The following ANO10 variants were observed in gnomAD, a reference collection of about 807,000 sequenced individuals.
ANO10 encodes anoctamin-10.
A neutral mutation model predicts 74.7 loss-of-function variants in ANO10; 77 were observed. That is an observed-to-expected ratio of 1.03 (90% CI 0.86 to 1.25). The LOEUF (loss-of-function observed/expected upper bound fraction) is 1.25, where lower values mean the gene tolerates loss of function less well. Ranked by LOEUF, ANO10 falls within the 50% of genes most tolerant of loss-of-function variation. The pLI is 0.00. For synonymous variants in ANO10, 279 were observed against 284.9 expected, an observed-to-expected ratio of 0.98 and a Z score of 0.21; for missense variants, 721 against 778.1, an observed-to-expected ratio of 0.93 and a Z score of 0.87.
chr3:43,591,163 C>T (rs773171621), intron 4 of ANO10, among the ~76,000 whole-genome samples: 14 of 152,138 alleles, frequency 9.2e-5, no homozygotes, highest in East Asian at 1.9e-4. Flanking sequence ...GTGTTTGCTC[C>T]GGCTCAAGCT....
intron 11 of ANO10, among the ~76,000 whole-genome samples, chr3:43,544,536 T>C (rs2079093838): frequency 6.6e-6 from 1 of 152,138 alleles, no homozygotes; most frequent in Non-Finnish European, 1.5e-5. Context: ...TTCACACCTG[T>C]AATCCCAGCA....
chr3:43,665,259 C>A (rs1268394269), intron 1 of ANO10, among the ~76,000 whole-genome samples: 4 of 152,094 alleles, frequency 2.6e-5, no homozygotes, highest in African/African-American at 9.7e-5. Context: ...TCATTCTCAG[C>A]AAACTATCAC....
chr3:43,568,328 A>C (rs1445801012), intron 7 of ANO10, among the ~76,000 whole-genome samples: 2 of 152,194 alleles, frequency 1.3e-5, no homozygotes, highest in African/African-American at 4.8e-5. Context: ...CTCTGCACCA[A>C]GTGGACCTAA....
chr3:43,368,982 T>C (rs553752725), intron 12 of ANO10, among the ~76,000 whole-genome samples: 10 of 152,374 alleles, frequency 6.6e-5, no homozygotes, highest in African/African-American at 1.9e-4. Context: ...TTTCAAGGCA[T>C]GGTGGCTGGA....
At chr3:43,687,209 G>C (rs2084286851) in intron 1 of ANO10, among the ~76,000 whole-genome samples, 1 of 152,162 alleles carries the variant, frequency 6.6e-6, no homozygotes, top group Non-Finnish European at 1.5e-5. Context: ...CCAACACTCT[G>C]GGAGGTCAGG....
intron 12 of ANO10, among the ~76,000 whole-genome samples, chr3:43,396,672 T>C (rs908435653): frequency 4.5e-4 from 68 of 151,816 alleles, no homozygotes; most frequent in Non-Finnish European, 8.0e-4. Flanking sequence ...TTCTTTTTTT[T>C]CCCCCAGAGA....
chr3:43,504,305 T>TAGATAGATAGAC (rs1383196576), intron 11 of ANO10, among the ~76,000 whole-genome samples: 1 of 117,952 alleles, frequency 8.5e-6, no homozygotes, highest in Non-Finnish European at 1.8e-5. Flanking sequence ...GGTAGGTAGA[T>TAGATAGATAGAC]AGATAGATAG....
intron 12 of ANO10, among the ~76,000 whole-genome samples, chr3:43,392,892 C>G (rs1047571307): frequency 6.6e-6 from 1 of 152,236 alleles, no homozygotes; most frequent in Non-Finnish European, 1.5e-5. Context: ...CCTCTAGGGT[C>G]ACCCGTGACC....
chr3:43,455,179 A>G (rs1238168963), intron 11 of ANO10, among the ~76,000 whole-genome samples: 1 of 152,170 alleles, frequency 6.6e-6, no homozygotes, highest in Non-Finnish European at 1.5e-5. Context: ...TCATGAGCCA[A>G]GAGCAAGGGA....
chr3:43,568,506 A>C (rs1181409266), intron 7 of ANO10, among the ~76,000 whole-genome samples: 278 of 141,150 alleles, frequency 2.0e-3, no homozygotes, highest in South Asian at 5.2e-3. Context: ...CAGTGCAATC[A>C]AACTAGAACT....
intron 1 of ANO10, among the ~76,000 whole-genome samples, chr3:43,670,583 T>C (rs2084046880): frequency 6.6e-6 from 1 of 152,292 alleles, no homozygotes; most frequent in Non-Finnish European, 1.5e-5. Context: ...CGTTCTTATA[T>C]CCAAATGGTC....
intron 1 of ANO10, among the ~76,000 whole-genome samples, chr3:43,651,062 C>T (rs2083781568): frequency 1.3e-5 from 2 of 152,084 alleles, no homozygotes; most frequent in African/African-American, 4.8e-5. Flanking sequence ...GTTACTTATA[C>T]AAAAGCTGTT....
intron 11 of ANO10, among the ~76,000 whole-genome samples, chr3:43,507,101 C>A (rs767061964): frequency 6.6e-6 from 1 of 152,158 alleles, no homozygotes; most frequent in African/African-American, 2.4e-5. Context: ...CTGTCAGTTT[C>A]ATAAGAAAAA....
intron 11 of ANO10, among the ~76,000 whole-genome samples, chr3:43,445,484 C>T (rs1394785248): frequency 6.6e-6 from 1 of 152,104 alleles, no homozygotes; most frequent in Non-Finnish European, 1.5e-5. Flanking sequence ...AAGACTTTTA[C>T]TTTATCATAT....
At chr3:43,580,601 C>G (rs1237852417) in intron 4 of ANO10, 129 bp from the exon 5 acceptor site, 63 of 1,073,026 alleles carry the variant, frequency 5.9e-5, no homozygotes, top group Non-Finnish European at 4.1e-6. Flanking sequence ...CTGCCTACTC[C>G]AAACCTGTAT....
At chr3:43,437,823 T>G (rs576348196) in intron 11 of ANO10, among the ~76,000 whole-genome samples, 1 of 151,914 alleles carries the variant, frequency 6.6e-6, no homozygotes, top group Non-Finnish European at 1.5e-5. Flanking sequence ...AGATGGCTGT[T>G]TTTCAGATGC....
At chr3:43,375,619 T>C (rs948235800) in intron 12 of ANO10, among the ~76,000 whole-genome samples, 3 of 152,146 alleles carry the variant, frequency 2.0e-5, no homozygotes, top group African/African-American at 7.2e-5. Context: ...AGACACTTCC[T>C]TTAAACACAA....
At chr3:43,385,496 A>G (rs1343528803) in intron 12 of ANO10, among the ~76,000 whole-genome samples, 1 of 152,248 alleles carries the variant, frequency 6.6e-6, no homozygotes, top group Admixed American at 6.5e-5. Flanking sequence ...CTGCATAAAT[A>G]TGGAACCAGC....
intron 12 of ANO10, among the ~76,000 whole-genome samples, chr3:43,392,617 G>A (rs1047663866): frequency 6.6e-6 from 1 of 152,140 alleles, no homozygotes; most frequent in African/African-American, 2.4e-5. Context: ...ATATATATGT[G>A]AGTAAATCTA....
Sources: allele counts gnomAD v4.1 joint callset (sites outside exome capture counted in the v4.1 genomes callset), GRCh38; gene constraint gnomAD v4.1.1; transcripts MANE v1.5; gene names NCBI Gene and HGNC (gene_info 2026-07-23, HGNC 2026-07-21).